Variants in TEX15 observed in about 807,000 individuals in gnomAD.
TEX15 encodes testis expressed 15, meiosis and synapsis associated, also known as testis-expressed protein 15.
In TEX15, 171 loss-of-function variants were observed where a neutral mutation model predicts 237.3. That is an observed-to-expected ratio of 0.72 (90% CI 0.64 to 0.82). The LOEUF (loss-of-function observed/expected upper bound fraction) is 0.82. Among genes scored for constraint, TEX15 ranks in the 40% least tolerant of loss-of-function variants. TEX15 has a pLI of 0.00. For missense variants in TEX15, 3,750 were observed against 3,646.5 expected (o/e 1.03, Z -0.73); for synonymous variants, 1,338 against 1,269.8 (o/e 1.05, Z -1.14).
At position 30,844,896 on chromosome 8, in the gene TEX15, A is replaced by G; in HGVS notation, c.5271T>C (p.Cys1757=). 1.9e-6 allele frequency: 3 copies of G among 1,613,460 alleles called. No homozygotes were observed. Among genetic ancestry groups the G allele is most frequent in the Non-Finnish European group, 2.5e-6 (3 of 1,179,564 alleles). The stretch of plus-strand genomic sequence containing the variant: ...GCTCTTTTTCTCTACAGCTCTGCTC[A>G]CAGTGTGGTACAGTACTGGATGCTG... ...SFAASSTVPH[C]EQSCREKELL... Residue 1757 remains cysteine (C), a synonymous_variant, in exon 8 of 11, where the codon TGT becomes TGC. Transcript: ENST00000643185.
rs546042304 is a variant in TEX15, at chr8:30,835,600, G to A, written c.9481+1203C>T. 5.9e-5 allele frequency among the ~76,000 whole-genome samples: 9 copies of A among 152,030 alleles called. No homozygotes were observed. In the South Asian group the frequency reaches 1.5e-3, roughly 25 times the overall value. On this transcript the variant is annotated intron_variant, in intron 10 of 10. Transcript: ENST00000643185. ...AAAAAGAATTATCTTGCATTTCTCC[G>A]TATAAGATATTAAAAGATGGTTATT...
chr8:30,875,711 CCA>C (rs1300900713), intron 3 of TEX15, among the ~76,000 whole-genome samples: 2 of 152,080 alleles, frequency 1.3e-5, no homozygotes, highest in Admixed American at 1.3e-4. Context: ...TAGTTATATT[CCA>C]CAAAGTTCCC....
chr8:30,843,975 T>A lies in TEX15; in HGVS notation c.6192A>T (p.Thr2064=). The part of the protein sequence containing the change: ...DQNLWNNCKH[T]LKPCAVDTLV... The stretch of plus-strand genomic sequence containing the variant: ...AAGTGTCAACAGCACATGGTTTTAA[T>A]GTGTGTTTGCAATTATTCCACAGGT... The change falls in exon 8 of 11, where the codon ACA becomes ACT. Residue 2064 remains threonine (T), a synonymous_variant. Transcript: ENST00000643185. The A allele has an allele frequency of 6.2e-7, 1 of 1,613,148 alleles. No homozygotes were observed.
In TEX15 at chr8:30,846,678, T is replaced by C. The variant is rs1413978978; in HGVS notation, c.3489A>G (p.Ile1163Met). The change falls in exon 8 of 11, where the codon ATA becomes ATG. Residue 1163 changes from isoleucine (I) to methionine (M), a missense_variant. Transcript: ENST00000643185. ...CTGTCGGGCTGAATCCTGGCCTAAATATATTAGTAATTTTAATTTGTAGAT... is the reference window on the plus strand; with the variant it reads ...CTGTCGGGCTGAATCCTGGCCTAAACATATTAGTAATTTTAATTTGTAGAT... ...LPDLQIKITN[I>M]FRPGFSPTAD... The C allele has an allele frequency of 6.2e-7, 1 of 1,613,658 alleles. No homozygotes were observed. The highest frequency in any genetic ancestry group is 1.1e-5 in the South Asian group (1 of 91,014).
At chr8:30,859,790 G>A in intron 6 of TEX15, 121 bp downstream of exon 6, 1 of 752,002 alleles carries the variant, frequency 1.3e-6, no homozygotes, top group Non-Finnish European at 1.8e-6. Flanking sequence ...TTCACTGTTT[G>A]CTTAAGATAT....
In TEX15 at chr8:30,843,107, T is replaced by C; in HGVS notation, c.7060A>G (p.Ile2354Val). The change falls in exon 8 of 11, where the codon ATA (isoleucine) becomes GTA (valine). Residue 2354 changes from isoleucine to valine, a missense_variant. Ile to Val is a conservative substitution (Grantham distance 29). Coordinates refer to ENST00000643185, the MANE Select transcript of TEX15 (RefSeq NM_001350162.2). ...TTACTGTTAAATTTAGAATTTTCTA[T>C]GCTAATTGTTGCTTCGTTTATTGGA... ...DHPINEATIS[I>V]ENSKFNSNLL... is the part of the protein sequence containing the mutation. The C allele has an allele frequency of 6.2e-7, 1 of 1,613,276 alleles. No homozygotes were observed. Among genetic ancestry groups the C allele is most frequent in the Non-Finnish European group, 8.5e-7 (1 of 1,179,588 alleles).
In TEX15 at chr8:30,842,913, G is replaced by A. The variant is rs754600829; in HGVS notation, c.7254C>T (p.Ile2418=). The change falls in exon 8 of 11, where the codon ATC becomes ATT. Residue 2418 remains isoleucine, a synonymous_variant. Transcript: ENST00000643185. ...LQDNNMDNIF[I]TEENVLDVVI... ...CCACGTCTAAAACATTTTCTTCTGT[G>A]ATAAAAATATTATCCATGTTATTAT... 1 of 1,608,876 alleles carries A rather than the reference G, an allele frequency of 6.2e-7. No homozygotes were observed. The highest frequency in any genetic ancestry group is 1.1e-5 in the South Asian group (1 of 90,356).
Position 30,833,073 on chromosome 8 carries a change from T to C in TEX15, c.*213A>G. On this transcript the variant is annotated 3_prime_UTR_variant, in exon 11 of 11. Coordinates refer to ENST00000643185, the MANE Select transcript of TEX15 (RefSeq NM_001350162.2). ...TGATCATATTACCCTCCCCTTATAA[T>C]TGCATGGAAATAATTCTGGTATATC... The C allele has an allele frequency of 2.3e-6, 1 of 427,514 alleles. No individual in the cohort carries two copies. Among genetic ancestry groups the C allele is most frequent in the Non-Finnish European group, 4.2e-6 (1 of 238,286 alleles). 26.5% of individuals were successfully genotyped at this position (427,514 alleles called of 1,614,324 possible).
rs1365789349 is a variant in TEX15 at position 30,842,032 on chromosome 8, G to A, written c.8135C>T (p.Thr2712Ile). 20 of 1,601,616 alleles carry A rather than the reference G, an allele frequency of 1.2e-5. No homozygotes were observed. Among genetic ancestry groups the A allele is most frequent in the East Asian group, 2.2e-5 (1 of 44,774 alleles). ...TAGCTTTTTACAACTGGAAACAGTA[G>A]TATCTTGCTGTTGTTCCTGAGAGTC... Reference protein sequence around the residue: ...CEDSQEQQQDTTVSSCKKLKV... With the variant: ...CEDSQEQQQDITVSSCKKLKV... Residue 2712 changes from threonine (T) to isoleucine (I), a missense_variant, in exon 8 of 11, where the codon ACT becomes ATT. Thr to Ile is a moderately conservative substitution (Grantham distance 89). Transcript: ENST00000643185.
At chr8:30,899,196 CA>C (rs1808962623) in intron 1 of TEX15, among the ~76,000 whole-genome samples, 1 of 152,152 alleles carries the variant, frequency 6.6e-6, no homozygotes, top group Non-Finnish European at 1.5e-5. Context: ...ACATACAGCA[CA>C]AAACATTGAT....
intron 3 of TEX15, among the ~76,000 whole-genome samples, chr8:30,876,231 T>C (rs1019293560): frequency 4.6e-5 from 7 of 152,222 alleles, no homozygotes; most frequent in African/African-American, 9.6e-5. Context: ...CATTTTCCTA[T>C]GTGACATTTA....
At chr8:30,878,390 A>G (rs1430352192) in intron 3 of TEX15, among the ~76,000 whole-genome samples, 2 of 151,686 alleles carry the variant, frequency 1.3e-5, no homozygotes, top group East Asian at 3.9e-4. Flanking sequence ...TTATTTATTT[A>G]TTTTATTTTT....
chr8:30,889,802 C>A (rs533164872), intron 2 of TEX15, among the ~76,000 whole-genome samples: 3 of 151,138 alleles, frequency 2.0e-5, no homozygotes, highest in Admixed American at 6.6e-5. Context: ...GGATATTAGA[C>A]CTTTGATATA....
Position 30,845,665 on chromosome 8 carries a change from G to T in TEX15, c.4502C>A (p.Pro1501His), listed in dbSNP as rs773742471. 1.9e-6 allele frequency: 3 copies of T among 1,613,540 alleles called. No individual in the cohort carries two copies. Among genetic ancestry groups the T allele is most frequent in the Middle Eastern group, 1.6e-4 (1 of 6,062 alleles). Residue 1501 changes from proline (P) to histidine (H), a missense_variant, in exon 8 of 11, where the codon CCC (proline) becomes CAC (histidine). Pro to His is a moderately conservative substitution (Grantham distance 77). Transcript: ENST00000643185. ...AAATTCTCCCATGTGACTGGTGGTG[G>T]GGTGACTTTTTGAGACACTGCTAGC... ...SMASSVSKSHPTTSHMGEFCN... is the reference protein window; with the variant it reads ...SMASSVSKSHHTTSHMGEFCN...
intron 1 of TEX15, among the ~76,000 whole-genome samples, chr8:30,907,026 G>T (rs186591885): frequency 1.0e-3 from 154 of 152,262 alleles, no homozygotes; most frequent in African/African-American, 3.3e-3. Context: ...AGATGTAAAG[G>T]TTGTATAAAT....
At chr8:30,881,226 C>T (rs1365661839) in intron 3 of TEX15, among the ~76,000 whole-genome samples, 3 of 152,136 alleles carry the variant, frequency 2.0e-5, no homozygotes, top group Non-Finnish European at 2.9e-5. Context: ...ATATTGGTCT[C>T]ATCTTGGAAC....
Position 30,831,851 on chromosome 8 carries a change from T to G in TEX15, c.*1435A>C, listed in dbSNP as rs550531481. On this transcript the variant is annotated 3_prime_UTR_variant, in exon 11 of 11. Coordinates refer to ENST00000643185, the MANE Select transcript of TEX15 (RefSeq NM_001350162.2). ...GCTGTTATTCATTTTTGGCTGTTAT[T>G]CATTTTTGAATACCAGTTAATATTA... 2.5e-4 allele frequency: 38 copies of G among 152,368 alleles called. No homozygotes were observed. Among genetic ancestry groups the G allele is most frequent in the Admixed American group, 7.8e-4 (12 of 15,300 alleles). The allele number at this position is 152,368 out of a possible 1,614,324, so 9.4% of individuals were successfully genotyped here.
At chr8:30,909,096 T>G (rs1809166941) in intron 1 of TEX15, among the ~76,000 whole-genome samples, 1 of 152,178 alleles carries the variant, frequency 6.6e-6, no homozygotes, top group Admixed American at 6.5e-5. Flanking sequence ...TGAGGCATAT[T>G]AACAGTGATT....
Position 30,846,248 on chromosome 8 carries a change from A to T in TEX15, c.3919T>A (p.Ser1307Thr). The T allele has an allele frequency of 6.2e-7, 1 of 1,613,496 alleles. No individual in the cohort carries two copies. Among genetic ancestry groups the T allele is most frequent in the South Asian group, 1.1e-5 (1 of 91,046 alleles). The change falls in exon 8 of 11, where the codon TCT becomes ACT. Residue 1307 changes from serine to threonine, a missense_variant. By Grantham distance (58) the Ser-to-Thr change is moderately conservative. Coordinates refer to ENST00000643185, the MANE Select transcript of TEX15 (RefSeq NM_001350162.2). ...SRISKRKLHI[S>T]SRDQNIPHKD... Reference sequence around the variant, plus strand: ...TGTGGTATGTTCTGATCCCTGGAAGATATATGTAGCTTCCTTTTGCTAATT... The same window carrying T: ...TGTGGTATGTTCTGATCCCTGGAAGTTATATGTAGCTTCCTTTTGCTAATT...
Sources: gnomAD v4.1 joint callset for allele counts (sites outside exome capture counted in the v4.1 genomes callset) on GRCh38, gnomAD v4.1.1 for gene constraint, MANE v1.5 for transcripts, NCBI Gene and HGNC (gene_info 2026-07-23, HGNC 2026-07-21) for gene names.